Variants in FRAS1 observed in about 807,000 individuals in gnomAD.
The protein encoded by FRAS1 is Fraser extracellular matrix complex subunit 1.
Under a neutral mutation model 435.2 loss-of-function variants are expected in FRAS1, and 290 were observed. The ratio of observed to expected loss-of-function variants is 0.67; its 90% CI spans 0.61 to 0.73. FRAS1 has a LOEUF of 0.73. FRAS1 is among the 30% of genes least tolerant of loss of function. The pLI is 0.00. For synonymous variants in FRAS1, 1,800 were observed against 1,851.0 expected (o/e 0.97, Z 0.71); for missense variants, 4,860 against 5,001.5 (o/e 0.97, Z 0.85).
intron 61 of FRAS1, among the ~76,000 whole-genome samples, chr4:78,500,692 G>A (rs1720648686): frequency 6.6e-6 from 1 of 152,140 alleles, no homozygotes; most frequent in Admixed American, 6.5e-5. Flanking sequence ...GGTTGAAGGG[G>A]GAGGGTCTTT....
chr4:78,454,160 C>G (rs1719113292), intron 47 of FRAS1, among the ~76,000 whole-genome samples: 1 of 144,130 alleles, frequency 6.9e-6, no homozygotes. Context: ...AGGTAGCTGG[C>G]CACGCTGATA....
chr4:78,537,958 GA>G (rs59270600), intron 72 of FRAS1, among the ~76,000 whole-genome samples: 21,368 of 138,324 alleles, frequency 0.15, 1,838 homozygotes, highest in Non-Finnish European at 0.22. Context: ...AAAAAAAAAA[GA>G]AAAAAAAAAG....
At chr4:78,284,373 A>G (rs1578227763) in intron 12 of FRAS1, 32 bp from the exon 13 acceptor site, 21 of 1,593,036 alleles carry the variant, frequency 1.3e-5, no homozygotes, top group Non-Finnish European at 1.7e-5. Context: ...TGGAGTTCAC[A>G]GAGTTCTCCC....
intron 2 of FRAS1, among the ~76,000 whole-genome samples, chr4:78,197,552 G>A (rs745356884): frequency 2.0e-5 from 3 of 152,096 alleles, no homozygotes; most frequent in Non-Finnish European, 4.4e-5. Flanking sequence ...CCCAAAAGTC[G>A]GGCAATTTGT....
chr4:78,323,773 G>A (rs1307409006), intron 18 of FRAS1, among the ~76,000 whole-genome samples: 1 of 152,176 alleles, frequency 6.6e-6, no homozygotes, highest in East Asian at 1.9e-4. Flanking sequence ...TGCTACTGAT[G>A]TTCCTTGGAT....
chr4:78,266,590 A>C (rs1482051075), intron 7 of FRAS1, among the ~76,000 whole-genome samples: 2 of 152,270 alleles, frequency 1.3e-5, no homozygotes, highest in Non-Finnish European at 2.9e-5. Context: ...TGCCTGGCAC[A>C]GAGTGGGCCC....
At chr4:78,100,638 G>C (rs72860622) in intron 2 of FRAS1, among the ~76,000 whole-genome samples, 2 of 152,148 alleles carry the variant, frequency 1.3e-5, no homozygotes, top group Admixed American at 6.5e-5. Context: ...TTTATTATCT[G>C]TCATGATCTT....
At chr4:78,289,515 C>CT (rs1055426280) in intron 14 of FRAS1, among the ~76,000 whole-genome samples, 1 of 152,062 alleles carries the variant, frequency 6.6e-6, no homozygotes, top group Non-Finnish European at 1.5e-5. Flanking sequence ...TGTAGGTTGC[C>CT]TTTTTTCACA....
intron 60 of FRAS1, among the ~76,000 whole-genome samples, chr4:78,498,272 G>A (rs1050335473): frequency 6.6e-6 from 1 of 152,056 alleles, no homozygotes; most frequent in African/African-American, 2.4e-5. Flanking sequence ...CACTTTGGGA[G>A]GCCAAGGCAG....
intron 31 of FRAS1, among the ~76,000 whole-genome samples, chr4:78,412,227 G>A (rs1008092161): frequency 2.7e-5 from 4 of 149,912 alleles, no homozygotes; most frequent in African/African-American, 1.0e-4. Context: ...CTTTTTCTCA[G>A]AATTGATAGA....
At chr4:78,469,133 A>G (rs916989846) in intron 50 of FRAS1, among the ~76,000 whole-genome samples, 1 of 152,218 alleles carries the variant, frequency 6.6e-6, no homozygotes, top group Admixed American at 6.5e-5. Flanking sequence ...TTCAGGATAT[A>G]TCAGCAAGAG....
At chr4:78,195,869 G>A (rs183155024) in intron 2 of FRAS1, among the ~76,000 whole-genome samples, 180 of 151,656 alleles carry the variant, frequency 1.2e-3, no homozygotes, top group African/African-American at 4.0e-3. Context: ...CATCACTCAC[G>A]CTGGGAACTG....
intron 70 of FRAS1, among the ~76,000 whole-genome samples, chr4:78,528,148 G>T (rs915391819): frequency 1.3e-5 from 2 of 152,186 alleles, no homozygotes; most frequent in Non-Finnish European, 1.5e-5. Context: ...GGTTTGAGAA[G>T]AGAGGAGGAA....
chr4:78,414,603 T>C (rs1330604416), intron 32 of FRAS1, among the ~76,000 whole-genome samples: 1 of 152,242 alleles, frequency 6.6e-6, no homozygotes, highest in East Asian at 1.9e-4. Context: ...TTTAGTCTCA[T>C]CTAATAACAT....
intron 2 of FRAS1, among the ~76,000 whole-genome samples, chr4:78,182,914 G>C (rs1368755606): frequency 6.7e-6 from 1 of 148,758 alleles, no homozygotes; most frequent in Non-Finnish European, 1.5e-5. Flanking sequence ...AAAATGCCCA[G>C]AGGACAGAGA....
chr4:78,083,078 G>A (rs1202413519), intron 2 of FRAS1, among the ~76,000 whole-genome samples: 4 of 151,506 alleles, frequency 2.6e-5, no homozygotes, highest in Non-Finnish European at 4.4e-5. Flanking sequence ...TGGTAATAGG[G>A]ATCTGGAAAT....
chr4:78,404,420 AAAG>A (rs1342767039), intron 30 of FRAS1, among the ~76,000 whole-genome samples: 9 of 152,042 alleles, frequency 5.9e-5, no homozygotes, highest in East Asian at 1.9e-4. Context: ...AAAAAAAAAA[AAAG>A]AAGAAGGTTA....
intron 11 of FRAS1, among the ~76,000 whole-genome samples, chr4:78,282,241 T>C (rs1266841851): frequency 1.3e-5 from 2 of 152,220 alleles, no homozygotes; most frequent in East Asian, 3.8e-4. Context: ...CTACTAATGT[T>C]TATTTTCGTA....
intron 71 of FRAS1, 41 bp downstream of exon 71, chr4:78,534,656 GAT>G: frequency 1.3e-6 from 2 of 1,589,764 alleles, no homozygotes; most frequent in Non-Finnish European, 1.7e-6. Flanking sequence ...GCTCTGCCTG[GAT>G]ATGAGAAGCT....
Sources: gnomAD v4.1 joint callset for allele counts (sites outside exome capture counted in the v4.1 genomes callset) on GRCh38, gnomAD v4.1.1 for gene constraint, MANE v1.5 for transcripts, NCBI Gene and HGNC (gene_info 2026-07-23, HGNC 2026-07-21) for gene names.